CCDC82: variants seen among roughly 807,000 people sequenced by gnomAD.
CCDC82 encodes coiled-coil domain containing 82, also known as coiled-coil domain-containing protein 82.
CCDC82 carries 47 observed loss-of-function variants against 60.6 expected under a neutral mutation model. The ratio of observed to expected loss-of-function variants is 0.77; its 90% CI spans 0.61 to 0.99. The LOEUF is 0.99. Ranked by LOEUF, CCDC82 falls within the 50% of genes least tolerant of loss-of-function variation. The pLI is 0.00. For missense variants in CCDC82, 588 were observed against 633.0 expected, an observed-to-expected ratio of 0.93 and a Z score of 0.76; for synonymous variants, 212 against 207.4, an observed-to-expected ratio of 1.02 and a Z score of -0.19.
Position 96,371,238 on chromosome 11 carries a change from T to G in CCDC82, c.1085-101A>C, listed in dbSNP as rs1865247788. ...TCTTCCCAACTTGGTTGGAAGCATTTTAAATTAGGAAAAAAAATATTTAAA... is the reference window on the plus strand; with the variant it reads ...TCTTCCCAACTTGGTTGGAAGCATTGTAAATTAGGAAAAAAAATATTTAAA... On this transcript the variant is annotated intron_variant, in intron 6 of 9. Transcript: ENST00000646818. The G allele has an allele frequency of 1.4e-5, 10 of 739,782 alleles. No individual in the cohort carries two copies. The East Asian group carries it at 3.5e-4, about 26-fold the overall frequency. 45.8% of individuals were successfully genotyped at this position (739,782 alleles called of 1,614,324 possible).
At chr11:96,357,744 T>C in intron 9 of CCDC82, 1 of 985,362 alleles carries the variant, frequency 1.0e-6, no homozygotes, top group Non-Finnish European at 1.2e-6. Context: ...AAGGCATCAA[T>C]AAAAGCACTT....
rs1302518428 is a variant in CCDC82 at position 96,358,874 on chromosome 11, A to C, written c.1566+119T>G. Reference sequence around the variant, plus strand: ...GAATGAGCGGAAGAAGAGAAAATACAAACGACAGAAGAAAGAGATTCTCTT... The same window carrying C: ...GAATGAGCGGAAGAAGAGAAAATACCAACGACAGAAGAAAGAGATTCTCTT... On this transcript the variant is annotated intron_variant, in intron 9 of 9. Transcript: ENST00000646818. 3 of 1,019,768 alleles carry C rather than the reference A, an allele frequency of 2.9e-6. No individual in the cohort carries two copies. The South Asian group carries it at 4.7e-5, about 16-fold the overall frequency. 63.2% of individuals were successfully genotyped at this position (1,019,768 alleles called of 1,614,324 possible).
intron 6 of CCDC82, among the ~76,000 whole-genome samples, chr11:96,371,749 G>A (rs766799615): frequency 1.2e-4 from 19 of 152,194 alleles, no homozygotes; most frequent in Non-Finnish European, 2.4e-4. Flanking sequence ...TTTCAAGGCC[G>A]TCTACAATTG....
chr11:96,365,575 A>G (rs933655931), intron 7 of CCDC82, among the ~76,000 whole-genome samples: 1 of 152,190 alleles, frequency 6.6e-6, no homozygotes, highest in Non-Finnish European at 1.5e-5. Context: ...TATGAATTAT[A>G]TATTTGCCAC....
intron 9 of CCDC82, chr11:96,356,764 A>C (rs1864370547): frequency 1.0e-6 from 1 of 984,168 alleles, no homozygotes; most frequent in Admixed American, 6.1e-5. Flanking sequence ...ACCCTAGTTC[A>C]ACCTTTAGAA....
chr11:96,381,307 T>C (rs1417771857), intron 5 of CCDC82: 6 of 151,722 alleles, frequency 4.0e-5, no homozygotes, highest in African/African-American at 9.7e-5. Context: ...CAGTGCCTAC[T>C]GATATAAGGA....
In CCDC82 at chr11:96,384,592, ATCACTATCAAATTCT is replaced by A; in HGVS notation, c.141_155del (p.Glu47_Ser51del). The A allele has an allele frequency of 6.2e-7, 1 of 1,613,604 alleles. No homozygotes were observed. Among genetic ancestry groups the A allele is most frequent in the Non-Finnish European group, 8.5e-7 (1 of 1,179,660 alleles). ...AACTTTCATCACTATCAAGCTCTTCATCACTATCAAATTCTTCACTATCAAGCTCTTCATCACTAT... is the reference window on the plus strand; with the variant it reads ...AACTTTCATCACTATCAAGCTCTTCATCACTATCAAGCTCTTCATCACTAT... On this transcript the variant is annotated inframe_deletion, in exon 4 of 10. Coordinates refer to ENST00000646818, the MANE Select transcript of CCDC82 (RefSeq NM_024725.4).
At chr11:96,375,651 T>C (rs1403604660) in intron 5 of CCDC82, among the ~76,000 whole-genome samples, 1 of 152,220 alleles carries the variant, frequency 6.6e-6, no homozygotes, top group Non-Finnish European at 1.5e-5. Flanking sequence ...ATAGAGAGGA[T>C]GAAAAACTTT....
At chr11:96,387,376 A>C (rs1322366382) in intron 2 of CCDC82, 154 bp downstream of exon 2, 1 of 152,216 alleles carries the variant, frequency 6.6e-6, no homozygotes, top group Non-Finnish European at 1.5e-5. Context: ...CACTATTAAA[A>C]ACTTATGACT....
chr11:96,355,870 C>T (rs1266247253), intron 9 of CCDC82: 4 of 152,070 alleles, frequency 2.6e-5, no homozygotes, highest in African/African-American at 9.7e-5. Flanking sequence ...TCTTACAACA[C>T]CTGATGGACC....
intron 9 of CCDC82, chr11:96,357,938 G>A: frequency 3.0e-6 from 3 of 985,394 alleles, no homozygotes; most frequent in Non-Finnish European, 2.4e-6. Flanking sequence ...ATCAAGATGT[G>A]GGGGGCAGGC....
chr11:96,383,452 G>C lies in CCDC82; in HGVS notation c.808C>G (p.Pro270Ala). ...DFEDSEKESC[P>A]SSDEVDEEEE... Reference sequence around the variant, plus strand: ...TCCTCATCAACTTCATCACTGCTTGGGCAAGATTCCTTTTCAGAGTCCTAA... The same window carrying C: ...TCCTCATCAACTTCATCACTGCTTGCGCAAGATTCCTTTTCAGAGTCCTAA... Residue 270 changes from proline to alanine, a missense_variant, in exon 5 of 10, where the codon CCA becomes GCA. Physicochemically the swap from Pro to Ala is conservative, Grantham distance 27. Coordinates refer to ENST00000646818, the MANE Select transcript of CCDC82 (RefSeq NM_024725.4). 1 of 1,601,172 alleles carries C rather than the reference G, an allele frequency of 6.2e-7. No homozygotes were observed. The highest frequency in any genetic ancestry group is 8.5e-7 in the Non-Finnish European group (1 of 1,174,334).
intron 4 of CCDC82, 23 bp downstream of exon 4, chr11:96,383,939 A>C (rs1866025403): frequency 1.3e-6 from 2 of 1,560,866 alleles, no homozygotes; most frequent in Non-Finnish European, 1.7e-6. Context: ...AAACAATAAC[A>C]AATCCAACAA....
intron 7 of CCDC82, among the ~76,000 whole-genome samples, chr11:96,370,395 G>A (rs1591186725): frequency 6.6e-6 from 1 of 152,242 alleles, no homozygotes; most frequent in East Asian, 1.9e-4. Context: ...ACAAAATGTG[G>A]CAAATCTTAT....
intron 7 of CCDC82, among the ~76,000 whole-genome samples, chr11:96,368,738 C>T (rs1025236029): frequency 4.6e-5 from 7 of 152,004 alleles, no homozygotes; most frequent in African/African-American, 1.7e-4. Context: ...TGGTGGCAGG[C>T]GCCTGTAGTC....
intron 3 of CCDC82, chr11:96,385,891 T>TTA (rs1382591987): frequency 1.3e-5 from 2 of 151,630 alleles, no homozygotes; most frequent in Admixed American, 6.6e-5. Context: ...AACTACATGT[T>TTA]AGAGGTATAT....
At chr11:96,368,808 G>A (rs766711445) in intron 7 of CCDC82, among the ~76,000 whole-genome samples, 24 of 151,512 alleles carry the variant, frequency 1.6e-4, no homozygotes, top group Non-Finnish European at 2.1e-4. Context: ...GGAGCTTGCA[G>A]TGAGCCGAGA....
chr11:96,378,813 C>A (rs1460847386), intron 5 of CCDC82, among the ~76,000 whole-genome samples: 1 of 151,842 alleles, frequency 6.6e-6, no homozygotes, highest in Admixed American at 6.6e-5. Flanking sequence ...CATATCTTTT[C>A]CAAGAATTGT....
intron 6 of CCDC82, among the ~76,000 whole-genome samples, chr11:96,372,344 A>G (rs1865316966): frequency 6.6e-6 from 1 of 151,942 alleles, no homozygotes; most frequent in Non-Finnish European, 1.5e-5. Flanking sequence ...TTTTTTTGCA[A>G]GAACTAATCA....
Sources: gnomAD v4.1 joint callset for allele counts (sites outside exome capture counted in the v4.1 genomes callset) on GRCh38, gnomAD v4.1.1 for gene constraint, MANE v1.5 for transcripts, NCBI Gene and HGNC (gene_info 2026-07-23, HGNC 2026-07-21) for gene names.